The following AKAP13 variants were observed in gnomAD, a reference collection of about 807,000 sequenced individuals.
AKAP13 encodes the protein A-kinase anchoring protein 13, also known as A-kinase anchor protein 13.
A neutral mutation model predicts 264.5 loss-of-function variants in AKAP13; 80 were observed. That is an observed-to-expected ratio of 0.30 (90% CI 0.25 to 0.36). AKAP13 has a LOEUF of 0.36. Among genes scored for constraint, AKAP13 ranks in the 10% least tolerant of loss-of-function variants. The pLI is 1.00. For synonymous variants in AKAP13, 1,380 were observed against 1,250.2 expected, an observed-to-expected ratio of 1.10 and a Z score of -2.19; for missense variants, 3,712 against 3,435.2, an observed-to-expected ratio of 1.08 and a Z score of -2.01.
intron 26 of AKAP13, among the ~76,000 whole-genome samples, chr15:85,723,841 T>G (rs1472924255): frequency 6.6e-6 from 1 of 152,234 alleles, no homozygotes; most frequent in Non-Finnish European, 1.5e-5. Context: ...TTGTTATAAT[T>G]TATGATATTC....
chr15:85,413,559 C>T (rs1293991763), intron 1 of AKAP13, among the ~76,000 whole-genome samples: 1 of 152,178 alleles, frequency 6.6e-6, no homozygotes, highest in Non-Finnish European at 1.5e-5. Flanking sequence ...TGACCCCTGG[C>T]TTTTGGGTTA....
At chr15:85,442,526 A>ATATATAATATATATTATATTATAT (rs1555430020) in intron 1 of AKAP13, among the ~76,000 whole-genome samples, 5 of 110,076 alleles carry the variant, frequency 4.5e-5, no homozygotes, top group East Asian at 2.2e-4. Context: ...ATATTATATT[A>ATATATAATATATATTATATTATAT]TATATAATAT....
intron 8 of AKAP13, among the ~76,000 whole-genome samples, chr15:85,615,628 T>C (rs2151405353): frequency 6.6e-6 from 1 of 152,364 alleles, no homozygotes; most frequent in Admixed American, 6.5e-5. Flanking sequence ...TTTAGATTAA[T>C]GAAAATTGTT....
intron 10 of AKAP13, among the ~76,000 whole-genome samples, chr15:85,649,275 C>G (rs1022514313): frequency 3.9e-5 from 6 of 152,162 alleles, no homozygotes; most frequent in African/African-American, 1.4e-4. Context: ...TTGAGGTTTG[C>G]ATCTAGGCCT....
intron 16 of AKAP13, among the ~76,000 whole-genome samples, chr15:85,687,829 A>G (rs1337789950): frequency 1.3e-5 from 2 of 152,172 alleles, no homozygotes; most frequent in Admixed American, 6.5e-5. Flanking sequence ...ACTTGAGACC[A>G]GGAGTTCAAG....
chr15:85,551,635 G>C (rs1190859645), intron 5 of AKAP13, among the ~76,000 whole-genome samples: 1 of 152,226 alleles, frequency 6.6e-6, no homozygotes, highest in Non-Finnish European at 1.5e-5. Flanking sequence ...TACTGAGCAA[G>C]GTATGTGTTT....
intron 17 of AKAP13, among the ~76,000 whole-genome samples, chr15:85,701,885 A>G (rs2085936922): frequency 6.6e-6 from 1 of 152,188 alleles, no homozygotes; most frequent in South Asian, 2.1e-4. Context: ...TAATGTAGAA[A>G]TAGTCTCAAC....
chr15:85,548,545 C>G (rs2077835937), intron 5 of AKAP13, among the ~76,000 whole-genome samples: 1 of 152,106 alleles, frequency 6.6e-6, no homozygotes, highest in Admixed American at 6.5e-5. Flanking sequence ...CATGTTTCCC[C>G]TCTCTTAATG....
chr15:85,469,360 G>T (rs2074873619), intron 1 of AKAP13, among the ~76,000 whole-genome samples: 1 of 152,126 alleles, frequency 6.6e-6, no homozygotes, highest in Non-Finnish European at 1.5e-5. Context: ...GGCTGTAGTT[G>T]CTATGTACAG....
chr15:85,410,268 C>G (rs891495974), intron 1 of AKAP13, among the ~76,000 whole-genome samples: 1 of 151,678 alleles, frequency 6.6e-6, no homozygotes, highest in East Asian at 1.9e-4. Flanking sequence ...CTGGTCATAC[C>G]TGCTTTTGTG....
Position 85,580,484 on chromosome 15 carries a change from C to G in AKAP13, c.2416C>G (p.Pro806Ala). 6.2e-7 allele frequency: 1 copy of G among 1,614,140 alleles called. No homozygotes were observed. The highest frequency in any genetic ancestry group is 2.2e-5 in the East Asian group (1 of 44,888). Residue 806 changes from proline to alanine, a missense_variant, in exon 7 of 37, where the codon CCC becomes GCC. Pro to Ala is a conservative substitution (Grantham distance 27). Transcript: ENST00000394518. ...CAAGGATGACGCACTTTCTTTTGTC[C>G]CCTCCCAGAAAGAAAAGGGAACAGC... ...VTKDDALSFV[P>A]SQKEKGTATP...
At chr15:85,561,777 G>T (rs1376523668) in intron 5 of AKAP13, among the ~76,000 whole-genome samples, 1 of 152,200 alleles carries the variant, frequency 6.6e-6, no homozygotes, top group Non-Finnish European at 1.5e-5. Context: ...AGGGAGTGAA[G>T]TAGCCCCTCA....
At chr15:85,445,978 T>TC (rs1029434989) in intron 1 of AKAP13, among the ~76,000 whole-genome samples, 1 of 152,074 alleles carries the variant, frequency 6.6e-6, no homozygotes, top group South Asian at 2.1e-4. Flanking sequence ...ACATTCTAAA[T>TC]CCCCCCCTTT....
At chr15:85,691,804 C>T in intron 16 of AKAP13, 2 of 476,306 alleles carry the variant, frequency 4.2e-6, no homozygotes. Flanking sequence ...GTATCAGTTT[C>T]TGTTGCCACT....
chr15:85,735,651 C>T, intron 32 of AKAP13, 21 bp downstream of exon 32: 1 of 1,598,140 alleles, frequency 6.3e-7, no homozygotes, highest in Non-Finnish European at 8.5e-7. Context: ...TTAAAATACA[C>T]CATGAACCTC....
At chr15:85,388,912 C>G (rs2070720654) in intron 1 of AKAP13, among the ~76,000 whole-genome samples, 1 of 152,166 alleles carries the variant, frequency 6.6e-6, no homozygotes, top group South Asian at 2.1e-4. Flanking sequence ...TAAAGAGTAT[C>G]ATACTTTGTT....
chr15:85,546,528 G>T (rs1326832649), intron 5 of AKAP13, among the ~76,000 whole-genome samples: 2 of 152,172 alleles, frequency 1.3e-5, no homozygotes, highest in South Asian at 2.1e-4. Context: ...GGTATGACCA[G>T]AAATAGAAGC....
chr15:85,472,989 A>T (rs530195807), intron 1 of AKAP13, among the ~76,000 whole-genome samples: 1 of 152,360 alleles, frequency 6.6e-6, no homozygotes, highest in African/African-American at 2.4e-5. Context: ...GCTAAATAGT[A>T]CCCTTTCCTT....
intron 1 of AKAP13, among the ~76,000 whole-genome samples, chr15:85,399,145 G>T (rs889249007): frequency 1.2e-4 from 19 of 152,330 alleles, no homozygotes; most frequent in African/African-American, 4.6e-4. Context: ...TCTACTGGCA[G>T]AATATGACAG....
Sources: gnomAD v4.1 joint callset for allele counts (sites outside exome capture counted in the v4.1 genomes callset) on GRCh38, gnomAD v4.1.1 for gene constraint, MANE v1.5 for transcripts, NCBI Gene and HGNC (gene_info 2026-07-23, HGNC 2026-07-21) for gene names.